Variants in SLC7A14 observed in about 807,000 individuals in gnomAD.
SLC7A14 encodes solute carrier family 7 member 14.
A neutral mutation model predicts 60.2 loss-of-function variants in SLC7A14; 37 were observed. That is an observed-to-expected ratio of 0.61 (90% CI 0.47 to 0.81). The LOEUF (loss-of-function observed/expected upper bound fraction) is 0.81, where lower values mean the gene tolerates loss of function less well. SLC7A14 is among the 30% of genes least tolerant of loss of function. The probability of loss-of-function intolerance (pLI) is 0.00; values close to 1 mark genes in which losing one functional copy is unlikely to be tolerated. For missense variants in SLC7A14, 886 were observed against 982.7 expected, an observed-to-expected ratio of 0.90 and a Z score of 1.32; for synonymous variants, 399 against 395.8, an observed-to-expected ratio of 1.01 and a Z score of -0.10.
chr3:170,484,169 G>A (rs751896771), intron 5 of SLC7A14, among the ~76,000 whole-genome samples: 4 of 152,200 alleles, frequency 2.6e-5, no homozygotes, highest in Non-Finnish European at 4.4e-5. Context: ...CTGATTATAT[G>A]GCTGTCAGAC....
intron 2 of SLC7A14, among the ~76,000 whole-genome samples, chr3:170,513,929 A>G (rs1713066966): frequency 6.6e-6 from 1 of 152,200 alleles, no homozygotes; most frequent in Non-Finnish European, 1.5e-5. Flanking sequence ...TTGTGTAAGA[A>G]TCTGTTCTTC....
rs181924477 is a variant in SLC7A14 at position 170,497,877 on chromosome 3, C to A, written c.759+790G>T. ...TCATGGAATGAGATCTGAAAACATC[C>A]TTTTGGTCCAGCCCATGCTCTTGCT... On this transcript the variant is annotated intron_variant, in intron 4 of 7. Transcript: ENST00000231706. Among the ~76,000 whole-genome samples, 42 of 152,316 alleles carry A rather than the reference C, an allele frequency of 2.8e-4. 1 individual carries two copies. The East Asian group carries it at 5.4e-3, about 20-fold the overall frequency.
At chr3:170,501,020 A>C (rs567284969) in intron 3 of SLC7A14, 89 bp downstream of exon 3, 1 of 1,260,596 alleles carries the variant, frequency 7.9e-7, no homozygotes, top group East Asian at 2.3e-5. Context: ...CTTTTGATAC[A>C]TTTTGCCAAA....
chr3:170,556,384 A>C (rs1465300215), intron 1 of SLC7A14, among the ~76,000 whole-genome samples: 1 of 152,134 alleles, frequency 6.6e-6, no homozygotes, highest in Non-Finnish European at 1.5e-5. Flanking sequence ...CTTTGGCTTT[A>C]ATTTCTTCTG....
At chr3:170,558,000 G>A (rs1019577023) in intron 1 of SLC7A14, among the ~76,000 whole-genome samples, 9 of 152,114 alleles carry the variant, frequency 5.9e-5, no homozygotes, top group Non-Finnish European at 1.2e-4. Flanking sequence ...TACACTACAC[G>A]CTGGGGGGCA....
At chr3:170,560,426 A>T (rs1031277742) in intron 1 of SLC7A14, among the ~76,000 whole-genome samples, 2 of 152,190 alleles carry the variant, frequency 1.3e-5, no homozygotes, top group African/African-American at 4.8e-5. Flanking sequence ...TATGGCAGAA[A>T]ATGGGCAATG....
intron 7 of SLC7A14, among the ~76,000 whole-genome samples, chr3:170,467,630 C>G (rs1491001852): frequency 1.3e-5 from 2 of 152,198 alleles, no homozygotes; most frequent in Non-Finnish European, 2.9e-5. Flanking sequence ...TCTGACAACA[C>G]TGCATCCACA....
intron 2 of SLC7A14, among the ~76,000 whole-genome samples, chr3:170,516,379 A>G (rs1713158992): frequency 6.6e-6 from 1 of 152,096 alleles, no homozygotes; most frequent in African/African-American, 2.4e-5. Flanking sequence ...TGAAACCCCA[A>G]TAAACGTGAG....
intron 4 of SLC7A14, among the ~76,000 whole-genome samples, chr3:170,494,973 G>A (rs1712335021): frequency 6.6e-6 from 1 of 152,224 alleles, no homozygotes; most frequent in African/African-American, 2.4e-5. Context: ...ACTAAGTGAG[G>A]TCAGGTCAGT....
At position 170,575,125 on chromosome 3, in the gene SLC7A14, G is replaced by A. The variant is rs373963508; in HGVS notation, c.-153+10786C>T. 2.0e-4 allele frequency among the ~76,000 whole-genome samples: 31 copies of A among 152,336 alleles called. No individual in the cohort carries two copies. In the East Asian group the frequency reaches 2.1e-3, roughly 10 times the overall value. On this transcript the variant is annotated intron_variant, in intron 1 of 7. Coordinates refer to ENST00000231706, the MANE Select transcript of SLC7A14 (RefSeq NM_020949.3). ...AGCCTGGATAAATTATTAGGAGCAT[G>A]TAGATGAGGGAAAAATTCAACCCTG...
intron 1 of SLC7A14, among the ~76,000 whole-genome samples, chr3:170,566,740 T>C (rs758964913): frequency 6.6e-5 from 10 of 151,576 alleles, no homozygotes; most frequent in Admixed American, 2.6e-4. Flanking sequence ...TGTAATAAAA[T>C]ACTTCTTTAA....
intron 2 of SLC7A14, among the ~76,000 whole-genome samples, chr3:170,510,584 TA>T (rs1480072799): frequency 3.9e-5 from 6 of 152,268 alleles, no homozygotes; most frequent in Admixed American, 3.3e-4. Context: ...TACATTATTT[TA>T]CTTGACTGCT....
At chr3:170,582,131 T>C (rs990412744) in intron 1 of SLC7A14, among the ~76,000 whole-genome samples, 1 of 152,198 alleles carries the variant, frequency 6.6e-6, no homozygotes, top group African/African-American at 2.4e-5. Context: ...CACTCCTTCA[T>C]AGCCTAATTG....
intron 1 of SLC7A14, among the ~76,000 whole-genome samples, chr3:170,552,401 T>G (rs1714375741): frequency 6.6e-6 from 1 of 152,224 alleles, no homozygotes; most frequent in Non-Finnish European, 1.5e-5. Flanking sequence ...TCCATTGATC[T>G]ACATATCAAT....
At chr3:170,479,579 G>A (rs1711742841) in intron 7 of SLC7A14, among the ~76,000 whole-genome samples, 1 of 152,318 alleles carries the variant, frequency 6.6e-6, no homozygotes, top group South Asian at 2.1e-4. Context: ...CAAAATTGTA[G>A]ACAATTGAGG....
intron 7 of SLC7A14, among the ~76,000 whole-genome samples, chr3:170,469,766 A>G (rs1739831947): frequency 6.6e-6 from 1 of 151,960 alleles, no homozygotes; most frequent in African/African-American, 2.4e-5. Flanking sequence ...CTATTATGCC[A>G]ATTCTTTCCT....
chr3:170,578,263 G>A (rs1359792458), intron 1 of SLC7A14, among the ~76,000 whole-genome samples: 8 of 152,216 alleles, frequency 5.3e-5, no homozygotes, highest in Non-Finnish European at 1.0e-4. Context: ...GCTGAATCAC[G>A]TAAACAATTG....
At chr3:170,554,419 T>C (rs1714432895) in intron 1 of SLC7A14, among the ~76,000 whole-genome samples, 1 of 152,238 alleles carries the variant, frequency 6.6e-6, no homozygotes, top group Non-Finnish European at 1.5e-5. Flanking sequence ...GTTTCATTTA[T>C]TTAGTACAAA....
intron 4 of SLC7A14, chr3:170,496,624 A>T: frequency 6.5e-7 from 1 of 1,532,210 alleles, no homozygotes; most frequent in Non-Finnish European, 9.0e-7. Context: ...CTGGAGGGCG[A>T]GGAGAGCCCG....
Sources: gnomAD v4.1 joint callset for allele counts (sites outside exome capture counted in the v4.1 genomes callset) on GRCh38, gnomAD v4.1.1 for gene constraint, MANE v1.5 for transcripts, NCBI Gene and HGNC (gene_info 2026-07-23, HGNC 2026-07-21) for gene names.